IL12RB2: variants seen among roughly 807,000 people sequenced by gnomAD.
IL12RB2 encodes the protein interleukin 12 receptor subunit beta 2, also known as interleukin-12 receptor subunit beta-2.
IL12RB2 carries 82 observed loss-of-function variants against 89.4 expected under a neutral mutation model. That is an observed-to-expected ratio of 0.92 (90% CI 0.77 to 1.10). The LOEUF is 1.10. IL12RB2 is among the 50% of genes least tolerant of loss of function. The probability of loss-of-function intolerance (pLI) is 0.00; values close to 1 mark genes in which losing one functional copy is unlikely to be tolerated. For synonymous variants in IL12RB2, 368 were observed against 370.1 expected, an observed-to-expected ratio of 0.99 and a Z score of 0.07; for missense variants, 963 against 1,031.9, an observed-to-expected ratio of 0.93 and a Z score of 0.92.
chr1:67,352,210 T>C (rs540010315), intron 10 of IL12RB2, among the ~76,000 whole-genome samples: 1 of 152,104 alleles, frequency 6.6e-6, no homozygotes, highest in East Asian at 1.9e-4. Context: ...TAACCTTGGG[T>C]TGGTGTATGA....
chr1:67,381,524 G>A (rs1204061266), intron 14 of IL12RB2, among the ~76,000 whole-genome samples: 1 of 152,172 alleles, frequency 6.6e-6, no homozygotes, highest in Non-Finnish European at 1.5e-5. Context: ...AGGACTTTGG[G>A]AGGCCGAGGA....
At chr1:67,386,872 T>TTATATATATATATATA (rs1179774666) in intron 15 of IL12RB2, among the ~76,000 whole-genome samples, 24 of 48,416 alleles carry the variant, frequency 5.0e-4, no homozygotes, top group Non-Finnish European at 8.0e-4. Flanking sequence ...GAAATGTATT[T>TTATATATATATATATA]TATATATATA....
intron 9 of IL12RB2, among the ~76,000 whole-genome samples, chr1:67,349,061 T>C (rs1660544908): frequency 6.6e-6 from 1 of 152,222 alleles, no homozygotes; most frequent in Non-Finnish European, 1.5e-5. Flanking sequence ...ACTAGACTGC[T>C]GTGATCAGCT....
intron 10 of IL12RB2, among the ~76,000 whole-genome samples, chr1:67,357,608 G>A (rs1296549074): frequency 2.0e-5 from 3 of 152,032 alleles, no homozygotes; most frequent in African/African-American, 7.3e-5. Flanking sequence ...TCATATTAGG[G>A]CTTCATGTGG....
At chr1:67,317,154 A>G (rs776753266) in intron 2 of IL12RB2, among the ~76,000 whole-genome samples, 5 of 152,330 alleles carry the variant, frequency 3.3e-5, no homozygotes, top group Admixed American at 6.5e-5. Flanking sequence ...TAGGCATGGG[A>G]CGGGCAGGAG....
intron 10 of IL12RB2, among the ~76,000 whole-genome samples, chr1:67,351,836 C>T (rs555075944): frequency 6.6e-6 from 1 of 152,206 alleles, no homozygotes; most frequent in South Asian, 2.1e-4. Context: ...AGGATAAAAG[C>T]TCACAATTAG....
At chr1:67,351,210 A>G (rs1660799763) in intron 10 of IL12RB2, 121 bp downstream of exon 10, 2 of 1,530,426 alleles carry the variant, frequency 1.3e-6, no homozygotes, top group Non-Finnish European at 1.8e-6. Context: ...TTTGGAGTCA[A>G]CAGCTTTCAG....
chr1:67,342,189 T>TG (rs1558318869), intron 9 of IL12RB2, among the ~76,000 whole-genome samples: 1 of 151,972 alleles, frequency 6.6e-6, no homozygotes, highest in Non-Finnish European at 1.5e-5. Context: ...GCGTGTGTGG[T>TG]GGGGTTTTTT....
chr1:67,329,500 C>A (rs1195063645), intron 6 of IL12RB2, 87 bp from the exon 7 acceptor site: 3 of 850,670 alleles, frequency 3.5e-6, no homozygotes, highest in Non-Finnish European at 6.2e-6. Flanking sequence ...TGAGTTTTGT[C>A]AAACTCTTTA....
chr1:67,394,794 C>T (rs889276504), intron 16 of IL12RB2, among the ~76,000 whole-genome samples: 6 of 152,194 alleles, frequency 3.9e-5, no homozygotes, highest in Non-Finnish European at 8.8e-5. Flanking sequence ...ACCTCCCTAC[C>T]TGGAAAACAC....
intron 11 of IL12RB2, among the ~76,000 whole-genome samples, chr1:67,370,367 G>A (rs1039003636): frequency 2.6e-5 from 4 of 152,094 alleles, no homozygotes; most frequent in Non-Finnish European, 4.4e-5. Flanking sequence ...GGGTGAAAAT[G>A]CTTCTGACCG....
chr1:67,316,130 G>A (rs1655725794), intron 2 of IL12RB2, among the ~76,000 whole-genome samples: 1 of 152,176 alleles, frequency 6.6e-6, no homozygotes, highest in Non-Finnish European at 1.5e-5. Flanking sequence ...CACAAATTGT[G>A]GCCTCTGCCC....
chr1:67,365,901 A>T (rs2100968328), intron 10 of IL12RB2, among the ~76,000 whole-genome samples: 1 of 152,340 alleles, frequency 6.6e-6, no homozygotes, highest in East Asian at 1.9e-4. Flanking sequence ...TGTAAAGTAC[A>T]CAAGCCATGG....
At chr1:67,315,287 T>C (rs1431535506) in intron 2 of IL12RB2, among the ~76,000 whole-genome samples, 1 of 152,166 alleles carries the variant, frequency 6.6e-6, no homozygotes, top group Non-Finnish European at 1.5e-5. Context: ...TTTAAATCCT[T>C]ATAATTATCA....
At chr1:67,338,479 A>G in intron 8 of IL12RB2, 145 bp from the exon 9 acceptor site, 1 of 625,100 alleles carries the variant, frequency 1.6e-6, no homozygotes, top group Non-Finnish European at 2.9e-6. Flanking sequence ...ATTGTTAAAC[A>G]AGAAAAAGAA....
chr1:67,350,191 T>C (rs1660677859), intron 9 of IL12RB2, among the ~76,000 whole-genome samples: 1 of 152,270 alleles, frequency 6.6e-6, no homozygotes. Context: ...CTGTTTCCCA[T>C]GGTCCTTGTC....
intron 1 of IL12RB2, among the ~76,000 whole-genome samples, chr1:67,309,954 C>T (rs1017713643): frequency 2.6e-5 from 4 of 152,024 alleles, no homozygotes; most frequent in Non-Finnish European, 4.4e-5. Flanking sequence ...GTGGGGGGAT[C>T]ACCTGAGGTC....
chr1:67,360,790 C>G (rs939549567), intron 10 of IL12RB2, among the ~76,000 whole-genome samples: 2 of 145,248 alleles, frequency 1.4e-5, no homozygotes, highest in African/African-American at 5.3e-5. Flanking sequence ...AGGAAAACTC[C>G]GTCTCAAAAA....
intron 3 of IL12RB2, among the ~76,000 whole-genome samples, chr1:67,321,387 G>A (rs566651454): frequency 2.6e-5 from 4 of 152,032 alleles, no homozygotes; most frequent in East Asian, 3.9e-4. Flanking sequence ...GTTATGAGAC[G>A]GATGCATATT....
Sources: allele counts gnomAD v4.1 joint callset (sites outside exome capture counted in the v4.1 genomes callset), GRCh38; gene constraint gnomAD v4.1.1; transcripts MANE v1.5; gene names NCBI Gene and HGNC (gene_info 2026-07-23, HGNC 2026-07-21).